The following METTL15 variants were observed in gnomAD, a reference collection of about 807,000 sequenced individuals.
The protein encoded by METTL15 is methyltransferase 15, mitochondrial 12S rRNA N4-cytidine.
In METTL15, 34 loss-of-function variants were observed where a neutral mutation model predicts 38.3. The observed-to-expected ratio is 0.89, with a 90% confidence interval of 0.68 to 1.18. The LOEUF (loss-of-function observed/expected upper bound fraction) is 1.18. METTL15 is among the 50% of genes most tolerant of loss of function. METTL15 has a pLI of 0.00. For missense variants in METTL15, 438 were observed against 498.4 expected, an observed-to-expected ratio of 0.88 and a Z score of 1.15; for synonymous variants, 162 against 170.9, an observed-to-expected ratio of 0.95 and a Z score of 0.41.
chr11:28,407,212 C>A (rs1850681612), intron 5 of METTL15, among the ~76,000 whole-genome samples: 1 of 152,058 alleles, frequency 6.6e-6, no homozygotes, highest in Admixed American at 6.5e-5. Flanking sequence ...ACTGTAAAAA[C>A]CCTGGAAGAA....
At chr11:28,108,827 G>T (rs1851595392) in intron 1 of METTL15, among the ~76,000 whole-genome samples, 1 of 152,128 alleles carries the variant, frequency 6.6e-6, no homozygotes. Context: ...ATTAGGTGAA[G>T]TGATTTTTTT....
At chr11:28,253,646 C>A (rs904214351) in intron 4 of METTL15, among the ~76,000 whole-genome samples, 1 of 146,234 alleles carries the variant, frequency 6.8e-6, no homozygotes, top group Non-Finnish European at 1.5e-5. Context: ...CGCCAACTAC[C>A]CTTCTCAGTC....
chr11:28,521,299 C>A (rs909516696), intron 6 of METTL15, among the ~76,000 whole-genome samples: 14 of 152,140 alleles, frequency 9.2e-5, no homozygotes, highest in African/African-American at 3.4e-4. Context: ...ATGTCAGGGC[C>A]TGTCCGAATG....
chr11:28,337,590 T>G (rs185907968), downstream of METTL15, among the ~76,000 whole-genome samples: 394 of 152,276 alleles, frequency 2.6e-3, 2 homozygotes, highest in Non-Finnish European at 3.1e-3. Flanking sequence ...TGTGTAGTAA[T>G]GTCCTAGGCC....
intron 6 of METTL15, among the ~76,000 whole-genome samples, chr11:28,445,501 A>G (rs925487359): frequency 1.3e-5 from 2 of 152,176 alleles, no homozygotes; most frequent in African/African-American, 4.8e-5. Context: ...TTGTTTCAAT[A>G]ATGCCTTCTA....
intron 5 of METTL15, among the ~76,000 whole-genome samples, chr11:28,406,707 A>G (rs1410289784): frequency 6.6e-6 from 1 of 152,078 alleles, no homozygotes; most frequent in Non-Finnish European, 1.5e-5. Flanking sequence ...CCTGGCCAGA[A>G]TTTCTAATAC....
intron 6 of METTL15, among the ~76,000 whole-genome samples, chr11:28,501,875 G>A (rs1366317367): frequency 1.3e-5 from 2 of 152,086 alleles, no homozygotes; most frequent in Non-Finnish European, 2.9e-5. Context: ...CGAGGCAGGC[G>A]GATCACGAAG....
At chr11:28,301,641 T>C (rs1388663412) in intron 6 of METTL15, among the ~76,000 whole-genome samples, 1 of 152,164 alleles carries the variant, frequency 6.6e-6, no homozygotes, top group Non-Finnish European at 1.5e-5. Context: ...TAATTTTATC[T>C]TCATTACATG....
intron 6 of METTL15, among the ~76,000 whole-genome samples, chr11:28,503,892 T>A (rs1250843861): frequency 6.6e-6 from 1 of 151,224 alleles, no homozygotes; most frequent in Non-Finnish European, 1.5e-5. Context: ...ATGCATTAGC[T>A]AGATTAAGAA....
At chr11:28,366,434 A>T (rs1850186679) in intron 5 of METTL15, among the ~76,000 whole-genome samples, 1 of 152,180 alleles carries the variant, frequency 6.6e-6, no homozygotes, top group Non-Finnish European at 1.5e-5. Context: ...TAAGGGTAGG[A>T]CTAGGAGCAA....
intron 3 of METTL15, among the ~76,000 whole-genome samples, chr11:28,190,904 A>G (rs1851676951): frequency 1.3e-5 from 2 of 151,376 alleles, no homozygotes; most frequent in South Asian, 4.1e-4. Context: ...TGTTCAACCA[A>G]AGTAACATGT....
chr11:28,498,669 C>T (rs548302290), intron 6 of METTL15, among the ~76,000 whole-genome samples: 3 of 152,298 alleles, frequency 2.0e-5, no homozygotes, highest in East Asian at 3.9e-4. Flanking sequence ...TAAGCACTGC[C>T]TACTTCCCAC....
At chr11:28,247,875 A>G (rs752521017) in intron 4 of METTL15, among the ~76,000 whole-genome samples, 4 of 152,098 alleles carry the variant, frequency 2.6e-5, no homozygotes, top group African/African-American at 4.8e-5. Flanking sequence ...TAATCAAAGG[A>G]AAGTTGTTGA....
At chr11:28,404,251 G>T (rs1564921677) in intron 5 of METTL15, among the ~76,000 whole-genome samples, 2 of 152,014 alleles carry the variant, frequency 1.3e-5, no homozygotes, top group Non-Finnish European at 2.9e-5. Flanking sequence ...GGGGTCCAAG[G>T]ATCCTGCCAT....
At chr11:28,336,028 C>G (rs1018221300), downstream of METTL15, among the ~76,000 whole-genome samples, 10 of 150,644 alleles carry the variant, frequency 6.6e-5, no homozygotes, top group Non-Finnish European at 1.2e-4. Context: ...ATCTAACTTA[C>G]ATTTCTGGAC....
intron 4 of METTL15, among the ~76,000 whole-genome samples, chr11:28,231,483 A>T (rs1170937340): frequency 6.6e-6 from 1 of 151,870 alleles, no homozygotes; most frequent in African/African-American, 2.4e-5. Context: ...TTATGGTAAA[A>T]TTCTTACAGT....
At chr11:28,112,405 T>C (rs537788492) in intron 2 of METTL15, among the ~76,000 whole-genome samples, 2 of 152,196 alleles carry the variant, frequency 1.3e-5, no homozygotes, top group East Asian at 3.8e-4. Context: ...GAAAGAATAG[T>C]GTTAACTGGG....
intron 5 of METTL15, among the ~76,000 whole-genome samples, chr11:28,398,543 G>T (rs764063810): frequency 6.6e-6 from 1 of 152,002 alleles, no homozygotes; most frequent in African/African-American, 2.4e-5. Flanking sequence ...TTGAAAATTT[G>T]TTTAAGTTCT....
chr11:28,308,419 T>C (rs951197062), intron 6 of METTL15, among the ~76,000 whole-genome samples: 7 of 152,148 alleles, frequency 4.6e-5, no homozygotes, highest in African/African-American at 1.7e-4. Flanking sequence ...TGTTATAATC[T>C]AGGTAAGATA....
Sources: gnomAD v4.1 joint callset for allele counts (sites outside exome capture counted in the v4.1 genomes callset) on GRCh38, gnomAD v4.1.1 for gene constraint, MANE v1.5 for transcripts, NCBI Gene and HGNC (gene_info 2026-07-23, HGNC 2026-07-21) for gene names.